CSMD1: variants seen among roughly 807,000 people sequenced by gnomAD.
CSMD1 encodes the protein CUB and sushi domain-containing protein 1.
A neutral mutation model predicts 417.5 loss-of-function variants in CSMD1; 213 were observed. That is an observed-to-expected ratio of 0.51 (90% CI 0.46 to 0.57). CSMD1 has a LOEUF of 0.57. CSMD1 is among the 20% of genes least tolerant of loss of function. The probability of loss-of-function intolerance (pLI) is 0.00; values close to 1 mark genes in which losing one functional copy is unlikely to be tolerated. For synonymous variants in CSMD1, 2,862 were observed against 1,736.8 expected (o/e 1.65, Z -16.11); for missense variants, 6,923 against 4,529.7 (o/e 1.53, Z -15.17).
intron 3 of CSMD1, among the ~76,000 whole-genome samples, chr8:4,401,229 C>T (rs1804625001): frequency 6.6e-6 from 1 of 152,068 alleles, no homozygotes; most frequent in African/African-American, 2.4e-5. Context: ...TAATGAATTT[C>T]AGCATTGTAT....
At chr8:3,886,376 G>C (rs1806564288) in intron 5 of CSMD1, among the ~76,000 whole-genome samples, 1 of 152,158 alleles carries the variant, frequency 6.6e-6, no homozygotes. Context: ...ACAAACTGTG[G>C]TGGCAAATTG....
In CSMD1 at chr8:3,592,972, G is replaced by A. The variant is rs767009868; in HGVS notation, c.1098-6712C>T. Among the ~76,000 whole-genome samples, 10 of 152,290 alleles carry A rather than the reference G, an allele frequency of 6.6e-5. No homozygotes were observed. In the South Asian group the frequency reaches 8.3e-4, roughly 13 times the overall value. ...CAAAGGTGGTGGCCTGGCCCTCCCCGCAGGCACCCCATCCCAAGGAGAAGT... is the reference window on the plus strand; with the variant it reads ...CAAAGGTGGTGGCCTGGCCCTCCCCACAGGCACCCCATCCCAAGGAGAAGT... On this transcript the variant is annotated intron_variant, in intron 8 of 69. Coordinates refer to ENST00000635120, the MANE Select transcript of CSMD1 (RefSeq NM_033225.6).
At chr8:3,100,950 G>A (rs992907843) in intron 46 of CSMD1, among the ~76,000 whole-genome samples, 2 of 152,210 alleles carry the variant, frequency 1.3e-5, no homozygotes, top group South Asian at 2.1e-4. Flanking sequence ...GAAGGAAGCT[G>A]GAGCTGGGCA....
intron 1 of CSMD1, among the ~76,000 whole-genome samples, chr8:4,953,822 C>T (rs926561363): frequency 6.6e-6 from 1 of 152,130 alleles, no homozygotes; most frequent in African/African-American, 2.4e-5. Flanking sequence ...CTATCTGCCA[C>T]AGGAAGAATT....
intron 1 of CSMD1, among the ~76,000 whole-genome samples, chr8:4,880,673 G>T (rs7005918): frequency 6.6e-6 from 1 of 152,058 alleles, no homozygotes; most frequent in African/African-American, 2.4e-5. Context: ...GAGACAGAGA[G>T]ACTTTTCTGC....
intron 3 of CSMD1, among the ~76,000 whole-genome samples, chr8:4,055,306 A>G (rs1358906043): frequency 6.6e-6 from 1 of 152,124 alleles, no homozygotes; most frequent in Admixed American, 6.6e-5. Flanking sequence ...AAAGATTCCA[A>G]TGTCTCCTTC....
intron 5 of CSMD1, among the ~76,000 whole-genome samples, chr8:3,933,968 C>G (rs138531420): frequency 1.3e-5 from 2 of 152,076 alleles, no homozygotes; most frequent in Non-Finnish European, 2.9e-5. Context: ...ACCACACAGT[C>G]GGGCTAGTGA....
chr8:4,836,831 A>G (rs1800522699), intron 1 of CSMD1, among the ~76,000 whole-genome samples: 1 of 152,214 alleles, frequency 6.6e-6, no homozygotes. Flanking sequence ...GCCAAGAAAA[A>G]AAAAAGTAGA....
At chr8:3,409,957 C>G (rs1812581283) in intron 12 of CSMD1, among the ~76,000 whole-genome samples, 1 of 152,164 alleles carries the variant, frequency 6.6e-6, no homozygotes, top group Non-Finnish European at 1.5e-5. Flanking sequence ...GTTTAATTTT[C>G]AACTATGTGC....
At chr8:3,386,470 T>G (rs1367844615) in intron 18 of CSMD1, among the ~76,000 whole-genome samples, 1 of 152,210 alleles carries the variant, frequency 6.6e-6, no homozygotes, top group African/African-American at 2.4e-5. Context: ...TCGGCCACAG[T>G]GCCAGTTACT....
chr8:4,948,754 G>C (rs1177769999), intron 1 of CSMD1, among the ~76,000 whole-genome samples: 4 of 152,042 alleles, frequency 2.6e-5, no homozygotes, highest in Non-Finnish European at 4.4e-5. Context: ...TGATAGTTTA[G>C]TTTCTTTCTT....
intron 7 of CSMD1, among the ~76,000 whole-genome samples, chr8:3,703,117 T>A (rs544552622): frequency 1.3e-5 from 2 of 152,360 alleles, no homozygotes; most frequent in Admixed American, 6.5e-5. Flanking sequence ...TGGGTTTTTC[T>A]TCAAACATTA....
At chr8:4,282,640 C>G (rs937631907) in intron 3 of CSMD1, among the ~76,000 whole-genome samples, 1 of 152,128 alleles carries the variant, frequency 6.6e-6, no homozygotes, top group African/African-American at 2.4e-5. Flanking sequence ...ATGCATTCAC[C>G]TTTTCAGTTT....
chr8:3,769,231 G>C (rs1475696893), intron 5 of CSMD1, among the ~76,000 whole-genome samples: 2 of 152,066 alleles, frequency 1.3e-5, no homozygotes, highest in African/African-American at 2.4e-5. Flanking sequence ...AACACTCGAA[G>C]GCAATTTGAT....
At chr8:4,782,009 A>C (rs951999338) in intron 1 of CSMD1, among the ~76,000 whole-genome samples, 1 of 152,190 alleles carries the variant, frequency 6.6e-6, no homozygotes, top group Non-Finnish European at 1.5e-5. Flanking sequence ...TCTTGCCTCT[A>C]TTTATGCACC....
chr8:3,962,967 T>G (rs1156337588), intron 5 of CSMD1, among the ~76,000 whole-genome samples: 1 of 152,196 alleles, frequency 6.6e-6, no homozygotes, highest in African/African-American at 2.4e-5. Context: ...GATGGACTCT[T>G]GCTCCGTCAC....
chr8:4,818,119 G>T (rs996083489), intron 1 of CSMD1, among the ~76,000 whole-genome samples: 2 of 152,008 alleles, frequency 1.3e-5, no homozygotes, highest in African/African-American at 2.4e-5. Flanking sequence ...ACTAAAAGTC[G>T]GGAAGCCTAC....
At chr8:4,073,274 A>C (rs560780010) in intron 3 of CSMD1, among the ~76,000 whole-genome samples, 4 of 152,316 alleles carry the variant, frequency 2.6e-5, no homozygotes, top group Non-Finnish European at 1.5e-5. Flanking sequence ...GGCCAAAATT[A>C]GAGTTGAAAG....
At chr8:3,219,495 C>A in intron 28 of CSMD1, 53 bp from the exon 29 acceptor site, 1 of 1,268,922 alleles carries the variant, frequency 7.9e-7, no homozygotes. Flanking sequence ...TTTTATCTCC[C>A]AGAGTGGTAA....
Sources: allele counts gnomAD v4.1 joint callset (sites outside exome capture counted in the v4.1 genomes callset), GRCh38; gene constraint gnomAD v4.1.1; transcripts MANE v1.5; gene names NCBI Gene and HGNC (gene_info 2026-07-23, HGNC 2026-07-21).